The following FOXN3 variants were observed in gnomAD, a reference collection of about 807,000 sequenced individuals.
The protein encoded by FOXN3 is forkhead box N3, also known as forkhead box protein N3.
In FOXN3, 7 loss-of-function variants were observed where a neutral mutation model predicts 38.4. The observed-to-expected ratio is 0.18, with a 90% CI of 0.10 to 0.34. The LOEUF is 0.34. FOXN3 is among the 10% of genes least tolerant of loss of function. The pLI is 1.00. For missense variants in FOXN3, 456 were observed against 613.4 expected (o/e 0.74, Z 2.71); for synonymous variants, 230 against 242.2 (o/e 0.95, Z 0.47).
chr14:89,308,114 G>C (rs1427054940), intron 3 of FOXN3, among the ~76,000 whole-genome samples: 2 of 152,034 alleles, frequency 1.3e-5, no homozygotes, highest in East Asian at 3.9e-4. Flanking sequence ...AAAATACACA[G>C]TTTAGCCAGG....
At chr14:89,220,688 C>T (rs902056068) in intron 4 of FOXN3, among the ~76,000 whole-genome samples, 3 of 152,112 alleles carry the variant, frequency 2.0e-5, no homozygotes, top group African/African-American at 4.8e-5. Context: ...TGTCCTTGGT[C>T]CCCCAGCATC....
intron 4 of FOXN3, among the ~76,000 whole-genome samples, chr14:89,184,989 C>A (rs1453018868): frequency 1.3e-5 from 2 of 152,246 alleles, no homozygotes; most frequent in Non-Finnish European, 2.9e-5. Context: ...ACAGCATTCA[C>A]TTCAAAGAGA....
At position 89,441,809 on chromosome 14, in the gene FOXN3, A is replaced by G. The variant is rs118023834; in HGVS notation, c.-14-29319T>C. Among the ~76,000 whole-genome samples, 87 of 152,248 alleles carry G rather than the reference A, an allele frequency of 5.7e-4. 2 individuals are homozygous for G. The East Asian group carries it at 0.014, about 25-fold the overall frequency. ...CCTGGAGGGTCCCTATGGATTCCACACAGGTGACAGCTCTTCCAAGCCCCA... is the reference window on the plus strand; with the variant it reads ...CCTGGAGGGTCCCTATGGATTCCACGCAGGTGACAGCTCTTCCAAGCCCCA... On this transcript the variant is annotated intron_variant, in intron 1 of 6. Coordinates refer to the FOXN3 transcript ENST00000345097.
At chr14:89,167,331 G>A (rs1887268432) in intron 5 of FOXN3, among the ~76,000 whole-genome samples, 1 of 152,166 alleles carries the variant, frequency 6.6e-6, no homozygotes, top group South Asian at 2.1e-4. Context: ...ATTAATTAGG[G>A]GTTCCACTAC....
At chr14:89,409,902 TCCTCTCCCTGATTAAAGGGGCATA>T (rs1413587659) in intron 2 of FOXN3, among the ~76,000 whole-genome samples, 1 of 152,068 alleles carries the variant, frequency 6.6e-6, no homozygotes, top group Admixed American at 6.6e-5. Flanking sequence ...TCAAGGAAAT[TCCTCTCCCTGATTAAAGGGGCATA>T]CTTTGATGGT....
rs140660700 is a variant in FOXN3, at chr14:89,299,877, C to T, written c.681-18863G>A. Reference sequence around the variant, plus strand: ...CTTGATCCAAAGACAGTGGCAAAAGCTTATCTAAAATCCCCTCCATCAAGA... The same window carrying T: ...CTTGATCCAAAGACAGTGGCAAAAGTTTATCTAAAATCCCCTCCATCAAGA... On this transcript the variant is annotated intron_variant, in intron 3 of 5. Coordinates refer to ENST00000557258, the MANE Select transcript of FOXN3 (RefSeq NM_005197.4). Among the ~76,000 whole-genome samples, 9 of 152,288 alleles carry T rather than the reference C, an allele frequency of 5.9e-5. No individual in the cohort carries two copies. In the East Asian group the frequency reaches 1.7e-3, roughly 29 times the overall value.
chr14:89,519,098 A>C (rs1894268492), intron 1 of FOXN3, among the ~76,000 whole-genome samples: 1 of 152,162 alleles, frequency 6.6e-6, no homozygotes, highest in Non-Finnish European at 1.5e-5. Context: ...CTCAAAGGGA[A>C]ACCAGGCCAG....
chr14:89,239,419 T>C (rs1316433206), intron 4 of FOXN3, among the ~76,000 whole-genome samples: 1 of 152,208 alleles, frequency 6.6e-6, no homozygotes, highest in African/African-American at 2.4e-5. Context: ...AGAATTCAAG[T>C]AGAGTACTTT....
intron 1 of FOXN3, among the ~76,000 whole-genome samples, chr14:89,519,485 G>C (rs1230436322): frequency 2.6e-5 from 4 of 152,208 alleles, no homozygotes; most frequent in African/African-American, 9.7e-5. Flanking sequence ...AGCCACTGGA[G>C]CTCTCTGCGT....
rs143438789 is a variant in FOXN3, at chr14:89,310,558, A to C, written c.681-29544T>G. On this transcript the variant is annotated intron_variant, in intron 3 of 5. Coordinates refer to ENST00000557258, the MANE Select transcript of FOXN3 (RefSeq NM_005197.4). Reference sequence around the variant, plus strand: ...CCACTGATAATGAATTCAAATGGAGACGAAGCTCAAGGTTACCTCTTCCAC... The same window carrying C: ...CCACTGATAATGAATTCAAATGGAGCCGAAGCTCAAGGTTACCTCTTCCAC... Among the ~76,000 whole-genome samples, 445 of 152,348 alleles carry C rather than the reference A, an allele frequency of 2.9e-3. 5 individuals carry two copies. The highest frequency in any genetic ancestry group is 9.8e-3 in the African/African-American group (407 of 41,578).
intron 4 of FOXN3, among the ~76,000 whole-genome samples, chr14:89,275,338 C>A (rs1269546737): frequency 2.0e-5 from 3 of 152,216 alleles, no homozygotes; most frequent in African/African-American, 7.2e-5. Flanking sequence ...CAGAACTAAG[C>A]ATCAAAATCC....
At chr14:89,273,841 G>C (rs1566944192) in intron 4 of FOXN3, among the ~76,000 whole-genome samples, 1 of 152,160 alleles carries the variant, frequency 6.6e-6, no homozygotes, top group South Asian at 2.1e-4. Flanking sequence ...AAGAATAAAG[G>C]GCCCCTCCTT....
chr14:89,465,830 A>G (rs1434691574), intron 1 of FOXN3, among the ~76,000 whole-genome samples: 1 of 152,248 alleles, frequency 6.6e-6, no homozygotes, highest in Non-Finnish European at 1.5e-5. Flanking sequence ...AGAGCTTTCT[A>G]GATGCAGTAA....
At chr14:89,290,971 G>T in intron 3 of FOXN3, 1 of 368,746 alleles carries the variant, frequency 2.7e-6, no homozygotes, top group Non-Finnish European at 5.4e-6. Context: ...TGATGTGGGT[G>T]CTGCGGACCT....
At chr14:89,557,359 C>T (rs977022768) in intron 1 of FOXN3, among the ~76,000 whole-genome samples, 7 of 152,106 alleles carry the variant, frequency 4.6e-5, no homozygotes, top group African/African-American at 1.7e-4. Flanking sequence ...CAGGATGTTT[C>T]AGAGATTGCG....
At chr14:89,400,485 T>C (rs1008996856) in intron 2 of FOXN3, among the ~76,000 whole-genome samples, 1 of 152,186 alleles carries the variant, frequency 6.6e-6, no homozygotes, top group African/African-American at 2.4e-5. Flanking sequence ...AAAGAGAATG[T>C]TGGCACTAAC....
chr14:89,463,779 TCTC>T (rs1412902006), intron 1 of FOXN3, among the ~76,000 whole-genome samples: 85 of 126,704 alleles, frequency 6.7e-4, no homozygotes, highest in African/African-American at 2.3e-3. Context: ...TAGTGGTCTC[TCTC>T]TCTTTTTTTT....
chr14:89,418,831 G>C (rs1056688386), upstream of FOXN3, among the ~76,000 whole-genome samples: 7 of 152,092 alleles, frequency 4.6e-5, no homozygotes, highest in Non-Finnish European at 1.0e-4. Flanking sequence ...CTTATTCTCC[G>C]CCAGAGGAAC....
intron 4 of FOXN3, among the ~76,000 whole-genome samples, chr14:89,231,597 G>A (rs1884810325): frequency 6.6e-6 from 1 of 152,142 alleles, no homozygotes; most frequent in South Asian, 2.1e-4. Context: ...CTGGACTTCT[G>A]TTACAGCGGG....
Sources: allele counts gnomAD v4.1 joint callset (sites outside exome capture counted in the v4.1 genomes callset), GRCh38; gene constraint gnomAD v4.1.1; transcripts MANE v1.5; gene names NCBI Gene and HGNC (gene_info 2026-07-23, HGNC 2026-07-21).